TBXAS1: variants seen among roughly 807,000 people sequenced by gnomAD.
TBXAS1 encodes the protein thromboxane-A synthase.
Under a neutral mutation model 60.7 loss-of-function variants are expected in TBXAS1, and 48 were observed. The observed-to-expected ratio is 0.79, with a 90% CI of 0.63 to 1.01. The LOEUF is 1.01. Among genes scored for constraint, TBXAS1 ranks in the 50% least tolerant of loss-of-function variants. TBXAS1 has a pLI of 0.00. For missense variants in TBXAS1, 685 were observed against 686.3 expected (o/e 1.00, Z 0.02); for synonymous variants, 287 against 269.7 (o/e 1.06, Z -0.63).
intron 3 of TBXAS1, among the ~76,000 whole-genome samples, chr7:139,907,448 G>T (rs1805192780): frequency 6.6e-6 from 1 of 152,050 alleles, no homozygotes. Context: ...TGTGTTTAAG[G>T]TCATGAGAGA....
At chr7:139,906,682 T>C (rs779638623) in intron 3 of TBXAS1, among the ~76,000 whole-genome samples, 2 of 152,236 alleles carry the variant, frequency 1.3e-5, no homozygotes, top group African/African-American at 2.4e-5. Flanking sequence ...TTGATTGGAA[T>C]TGCATTAAAC....
At chr7:139,794,978 T>G (rs1161797050) in intron 4 of TBXAS1, among the ~76,000 whole-genome samples, 2 of 122,630 alleles carry the variant, frequency 1.6e-5, no homozygotes, top group East Asian at 5.1e-4. Flanking sequence ...TAAACATACG[T>G]GTGCATGTGT....
At chr7:139,938,150 C>T (rs1317059250) in intron 5 of TBXAS1, among the ~76,000 whole-genome samples, 1 of 152,186 alleles carries the variant, frequency 6.6e-6, no homozygotes, top group African/African-American at 2.4e-5. Context: ...GCCATCGGGG[C>T]TGGCCCGCGG....
intron 4 of TBXAS1, among the ~76,000 whole-genome samples, chr7:139,813,911 C>G (rs1798085741): frequency 6.6e-6 from 1 of 152,210 alleles, no homozygotes; most frequent in African/African-American, 2.4e-5. Context: ...TTCCTCTCCA[C>G]TCTACAAAAT....
rs41311778 is a variant in TBXAS1, at chr7:140,017,700, G to A, written c.1394G>A (p.Arg465Gln). ...RFTAEARQQH[R>Q]PFTYLPFGAG... Reference sequence around the variant, plus strand: ...ACGGCTGAGGCCCGGCAGCAGCACCGGCCCTTCACGTACCTGCCCTTCGGG... The same window carrying A: ...ACGGCTGAGGCCCGGCAGCAGCACCAGCCCTTCACGTACCTGCCCTTCGGG... Residue 465 changes from arginine to glutamine, a missense_variant, in exon 12 of 13, where the codon CGG (arginine) becomes CAG (glutamine). Coordinates refer to ENST00000448866, the MANE Select transcript of TBXAS1 (RefSeq NM_001061.7). The A allele has an allele frequency of 1.4e-3, 2,198 of 1,613,650 alleles. 3 individuals carry two copies. Among genetic ancestry groups the A allele is most frequent in the Middle Eastern group, 9.0e-3 (53 of 5,870 alleles).
At chr7:139,893,620 A>G (rs906270376) in intron 3 of TBXAS1, among the ~76,000 whole-genome samples, 16 of 152,136 alleles carry the variant, frequency 1.1e-4, no homozygotes, top group African/African-American at 3.6e-4. Context: ...ATTTTTATTT[A>G]TCTGTTCCCC....
chr7:139,994,884 C>A (rs1015183211), intron 9 of TBXAS1, among the ~76,000 whole-genome samples: 1 of 152,146 alleles, frequency 6.6e-6, no homozygotes, highest in Non-Finnish European at 1.5e-5. Context: ...GAAAATGCTG[C>A]CCCCTCCCTT....
intron 7 of TBXAS1, among the ~76,000 whole-genome samples, chr7:139,956,397 T>C (rs1023455903): frequency 1.2e-4 from 19 of 152,278 alleles, no homozygotes; most frequent in African/African-American, 4.3e-4. Context: ...CCGCCCACCT[T>C]GGCCTCCCAA....
intron 9 of TBXAS1, among the ~76,000 whole-genome samples, chr7:139,987,152 G>C (rs2117567713): frequency 6.6e-6 from 1 of 152,106 alleles, no homozygotes; most frequent in African/African-American, 2.4e-5. Context: ...TTGATGCCTG[G>C]GGCTCCCCAC....
intron 5 of TBXAS1, among the ~76,000 whole-genome samples, chr7:139,951,401 T>C (rs922252565): frequency 3.3e-5 from 5 of 151,406 alleles, no homozygotes; most frequent in African/African-American, 1.2e-4. Flanking sequence ...GTGACCCTGA[T>C]AAAGATGAGA....
At chr7:139,912,939 T>G (rs1398984513) in intron 4 of TBXAS1, 2 of 599,098 alleles carry the variant, frequency 3.3e-6, no homozygotes, top group Non-Finnish European at 6.0e-6. Flanking sequence ...ATGTGCCATC[T>G]CTCAACTTAA....
In TBXAS1 at chr7:139,955,613, T is replaced by C. The variant is rs1809803694; in HGVS notation, c.688+6T>C. On this transcript the variant is annotated splice_donor_region_variant and intron_variant, in intron 7 of 12. Coordinates refer to ENST00000448866, the MANE Select transcript of TBXAS1 (RefSeq NM_001061.7). The stretch of plus-strand genomic sequence containing the variant: ...ACCTATCCTGGTTTTACTCTGTAAG[T>C]GCGGCTGCAGCCCGGGGCGCTGCGA... 6.2e-7 allele frequency: 1 copy of C among 1,614,004 alleles called. No individual in the cohort carries two copies. The highest frequency in any genetic ancestry group is 1.3e-5 in the African/African-American group (1 of 75,052).
chr7:139,983,963 C>T (rs1400298714), intron 9 of TBXAS1, among the ~76,000 whole-genome samples: 1 of 152,218 alleles, frequency 6.6e-6, no homozygotes, highest in African/African-American at 2.4e-5. Flanking sequence ...AGGCTCAGCA[C>T]CACTCAGGGC....
chr7:139,904,997 CTCTTTCTCTCTTTCTTTCTTTCTT>C (rs1366625289), intron 3 of TBXAS1, among the ~76,000 whole-genome samples: 4 of 93,130 alleles, frequency 4.3e-5, no homozygotes, highest in African/African-American at 9.4e-5. Context: ...CTCTCTTTCT[CTCTTTCTCTCTTTCTTTCTTTCTT>C]TCTTTCTTTC....
intron 4 of TBXAS1, among the ~76,000 whole-genome samples, chr7:139,815,192 G>C (rs1798115090): frequency 6.6e-6 from 1 of 152,192 alleles, no homozygotes; most frequent in Admixed American, 6.5e-5. Context: ...TGGCCTTGCT[G>C]TTCCATGGCC....
intron 5 of TBXAS1, among the ~76,000 whole-genome samples, chr7:139,953,133 T>G (rs531399480): frequency 2.7e-4 from 41 of 152,360 alleles, no homozygotes; most frequent in Non-Finnish European, 5.1e-4. Context: ...CTGTTCTTCT[T>G]TTTTGCTTCC....
At chr7:139,881,461 C>A (rs578205674) in intron 3 of TBXAS1, among the ~76,000 whole-genome samples, 259 of 147,588 alleles carry the variant, frequency 1.8e-3, no homozygotes, top group Middle Eastern at 0.01. Flanking sequence ...TTTTTCCCCC[C>A]CTCCAGGAGG....
At chr7:139,780,976 T>C (rs1796965936) in intron 2 of TBXAS1, among the ~76,000 whole-genome samples, 1 of 152,212 alleles carries the variant, frequency 6.6e-6, no homozygotes, top group African/African-American at 2.4e-5. Context: ...TTCTAGGCAG[T>C]CTTAAAATGA....
intron 12 of TBXAS1, 52 bp from the exon 13 acceptor site, chr7:140,019,973 C>T (rs1815419714): frequency 2.6e-6 from 4 of 1,554,318 alleles, no homozygotes; most frequent in Non-Finnish European, 3.5e-6. Context: ...TTCATTTGTA[C>T]AGTGAGATGC....
Sources: allele counts gnomAD v4.1 joint callset (sites outside exome capture counted in the v4.1 genomes callset), GRCh38; gene constraint gnomAD v4.1.1; transcripts MANE v1.5; gene names NCBI Gene and HGNC (gene_info 2026-07-23, HGNC 2026-07-21).